The following TRPA1 variants were observed in gnomAD, a reference collection of about 807,000 sequenced individuals.
The protein encoded by TRPA1 is transient receptor potential cation channel subfamily A member 1, also known as ankyrin-like with transmembrane domains 1.
TRPA1 carries 129 observed loss-of-function variants against 131.3 expected under a neutral mutation model. The ratio of observed to expected loss-of-function variants is 0.98; its 90% CI spans 0.85 to 1.14. The LOEUF is 1.14. Ranked by LOEUF, TRPA1 falls within the 50% of genes most tolerant of loss-of-function variation. TRPA1 has a pLI of 0.00. For synonymous variants in TRPA1, 441 were observed against 451.7 expected (o/e 0.98, Z 0.30); for missense variants, 1,304 against 1,354.2 (o/e 0.96, Z 0.58).
In TRPA1 at chr8:72,059,433, G is replaced by T; in HGVS notation, c.950C>A (p.Ser317Ter). 1 of 1,579,464 alleles carries T rather than the reference G, an allele frequency of 6.3e-7. No individual in the cohort carries two copies. Among genetic ancestry groups the T allele is most frequent in the South Asian group, 1.2e-5 (1 of 86,018 alleles). ...GCHETMLHRA[S>*]LFDHHELADY... ...TGCTAGCTCATGGTGATCAAACAAT[G>T]AAGCTCTGAAAAAACAGAATTATAA... The change falls in exon 8 of 27, where the codon TCA becomes TAA. Residue 317 changes from serine (S) to a stop codon, truncating the protein, a stop_gained. Transcript: ENST00000262209. LOFTEE classifies it high-confidence loss of function.
At chr8:72,061,792 T>C (rs1805815203) in intron 6 of TRPA1, 31 bp from the exon 7 acceptor site, 2 of 1,612,062 alleles carry the variant, frequency 1.2e-6, no homozygotes, top group African/African-American at 1.3e-5. Flanking sequence ...AGAATCAATG[T>C]TTAAATCTCA....
At chr8:72,053,945 T>C (rs1805595390) in intron 12 of TRPA1, 78 bp from the exon 13 acceptor site, 1 of 965,058 alleles carries the variant, frequency 1.0e-6, no homozygotes, top group Non-Finnish European at 1.6e-6. Context: ...TGGCTTATTC[T>C]AGGTAAATCT....
chr8:72,074,066 G>T (rs1246894120), intron 1 of TRPA1, among the ~76,000 whole-genome samples: 1 of 152,146 alleles, frequency 6.6e-6, no homozygotes, highest in African/African-American at 2.4e-5. Flanking sequence ...CAAAATTAAA[G>T]CTGTACATAC....
Position 72,069,123 on chromosome 8 carries a change from T to C in TRPA1, c.344A>G (p.Lys115Arg), listed in dbSNP as rs141011241. The change falls in exon 3 of 27, where the codon AAG becomes AGG. Residue 115 changes from lysine (K) to arginine (R), a missense_variant. Lys to Arg is a conservative substitution (Grantham distance 26, BLOSUM62 2). Transcript: ENST00000262209. Reference protein sequence around the residue: ...AVEKNQIESVKFLLSRGANPN... With the variant: ...AVEKNQIESVRFLLSRGANPN... ...GTTTGCTCCTCTGCTGAGAAGAAAC[T>C]TAACGCTTTCAATTTGGTTTTTTTC... The C allele has an allele frequency of 2.6e-5, 42 of 1,614,092 alleles. No homozygotes were observed. In the African/African-American group the frequency reaches 5.5e-4, roughly 21 times the overall value.
intron 21 of TRPA1, among the ~76,000 whole-genome samples, 155 bp from the exon 22 acceptor site, chr8:72,034,532 G>T (rs1352062747): frequency 6.6e-6 from 1 of 152,152 alleles, no homozygotes; most frequent in Non-Finnish European, 1.5e-5. Context: ...AGAATTAATT[G>T]AATAATCATG....
At position 72,021,861 on chromosome 8, in the gene TRPA1, TAAG is replaced by T. The variant is rs1447508347; in HGVS notation, c.*1042_*1044del. On this transcript the variant is annotated 3_prime_UTR_variant, in exon 27 of 27. Transcript: ENST00000262209. ...AAATAAGTGAGAATTATAAGAGAAATAAGAAGCAAAAACAGAAATAGAAGCTAT... is the reference window on the plus strand; with the variant it reads ...AAATAAGTGAGAATTATAAGAGAAATAAGCAAAAACAGAAATAGAAGCTAT... The T allele has an allele frequency of 1.3e-5, 2 of 151,878 alleles. No individual in the cohort carries two copies. The highest frequency in any genetic ancestry group is 2.9e-5 in the Non-Finnish European group (2 of 67,960). 9.4% of individuals were successfully genotyped at this position (151,878 alleles called of 1,614,324 possible). A position where few individuals can be genotyped will look rare whatever the true frequency, so the allele number is the denominator to read the frequency against.
In TRPA1 at chr8:72,029,183, T is replaced by C. The variant is rs150119027; in HGVS notation, c.2937+718A>G. Among the ~76,000 whole-genome samples, 11 of 152,330 alleles carry C rather than the reference T, an allele frequency of 7.2e-5. No homozygotes were observed. The East Asian group carries it at 2.1e-3, about 29-fold the overall frequency. ...GATGTCACAAGAGAACAAAACCTCATGGATGCAGTTAAAACTTCAACATAA... is the reference window on the plus strand; with the variant it reads ...GATGTCACAAGAGAACAAAACCTCACGGATGCAGTTAAAACTTCAACATAA... On this transcript the variant is annotated intron_variant, in intron 24 of 26. Coordinates refer to ENST00000262209, the MANE Select transcript of TRPA1 (RefSeq NM_007332.3).
At chr8:72,024,055 A>G (rs1367639438) in intron 25 of TRPA1, 144 bp from the exon 26 acceptor site, 1 of 633,304 alleles carries the variant, frequency 1.6e-6, no homozygotes, top group Admixed American at 2.7e-5. Context: ...CTGCTAGGAG[A>G]AAGAGACATG....
the TRPA1 span, among the ~76,000 whole-genome samples, chr8:72,082,414 C>T: frequency 3.5e-4 from 53 of 152,128 alleles, no homozygotes; most frequent in East Asian, 1.5e-3. Flanking sequence ...AACACACACA[C>T]GGACTTTTAT....
intron 8 of TRPA1, among the ~76,000 whole-genome samples, chr8:72,058,564 C>A (rs961158658): frequency 3.3e-5 from 5 of 152,262 alleles, no homozygotes; most frequent in Admixed American, 6.5e-5. Flanking sequence ...GGGGCAGCAT[C>A]CCCTTGGCAA....
intron 4 of TRPA1, among the ~76,000 whole-genome samples, chr8:72,063,943 T>C (rs1563402345): frequency 6.6e-6 from 1 of 152,174 alleles, no homozygotes; most frequent in African/African-American, 2.4e-5. Context: ...TCTTTTCCCT[T>C]TATTTATGCA....
At chr8:72,072,748 T>C (rs1338038456) in intron 1 of TRPA1, among the ~76,000 whole-genome samples, 1 of 152,232 alleles carries the variant, frequency 6.6e-6, no homozygotes, top group Non-Finnish European at 1.5e-5. Context: ...AAAGGGATTA[T>C]GCTGCCCACT....
At chr8:72,087,827 C>T in the TRPA1 span, among the ~76,000 whole-genome samples, 6 of 152,054 alleles carry the variant, frequency 3.9e-5, no homozygotes, top group African/African-American at 1.2e-4. Flanking sequence ...TCTCTCTGCT[C>T]ATTTTTGTAT....
intron 21 of TRPA1, among the ~76,000 whole-genome samples, chr8:72,036,005 C>CAAAAAAAAAAA (rs58197251): frequency 1.6e-4 from 7 of 44,964 alleles, no homozygotes; most frequent in Admixed American, 5.6e-4. Flanking sequence ...TCCCCCTCCA[C>CAAAAAAAAAAA]AAAAAAAAAA....
chr8:72,069,002 G>A (rs1188335815), intron 3 of TRPA1, 21 bp downstream of exon 3: 3 of 1,614,018 alleles, frequency 1.9e-6, no homozygotes, highest in Non-Finnish European at 2.5e-6. Context: ...CAGGCCCTTT[G>A]GAGCCGGCCA....
chr8:72,059,101 G>A (rs1805744049), intron 8 of TRPA1, among the ~76,000 whole-genome samples: 2 of 152,166 alleles, frequency 1.3e-5, no homozygotes, highest in South Asian at 2.1e-4. Flanking sequence ...CCTCTTACAG[G>A]CCATGGGAAC....
rs756486828 is a variant in TRPA1 at position 72,026,057 on chromosome 8, C to G, written c.2954G>C (p.Ser985Thr). ...RIAMQVELHT[S>T]LEKKLPLWFL... ...CCAAAGTGGCAGCTTCTTCTCTAAG[C>G]TGGTATGAAGTTCCACCTAAAGTGC... is the stretch of plus-strand genomic sequence containing the variant. The change falls in exon 25 of 27, where the codon AGC becomes ACC. Residue 985 changes from serine (S) to threonine (T), a missense_variant. Physicochemically the swap from Ser to Thr is moderately conservative, Grantham distance 58. Coordinates refer to ENST00000262209, the MANE Select transcript of TRPA1 (RefSeq NM_007332.3). The G allele has an allele frequency of 6.2e-7, 1 of 1,613,880 alleles. No homozygotes were observed. Among genetic ancestry groups the G allele is most frequent in the South Asian group, 1.1e-5 (1 of 91,080 alleles).
rs560054007 is a variant in TRPA1 at position 72,055,817 on chromosome 8, G to A, written c.1233C>T (p.Asn411=). The change falls in exon 11 of 27, where the codon AAC becomes AAT. Residue 411 remains asparagine (N), a synonymous_variant. Coordinates refer to ENST00000262209, the MANE Select transcript of TRPA1 (RefSeq NM_007332.3). ...CATAATGTAGAGGAGTACACCCATC[G>A]TTGTCTTCATCCATTACCAGCTCTT... ...QIKELVMDED[N]DGCTPLHYAC... 621 of 1,613,330 alleles carry A rather than the reference G, an allele frequency of 3.8e-4. 1 individual carries two copies. The highest frequency in any genetic ancestry group is 4.9e-4 in the Non-Finnish European group (580 of 1,179,558).
At chr8:72,084,794 G>T in the TRPA1 span, among the ~76,000 whole-genome samples, 2 of 151,584 alleles carry the variant, frequency 1.3e-5, no homozygotes, top group African/African-American at 2.4e-5. Context: ...TGGGATTACA[G>T]GTGCCTGCCA....
Sources: gnomAD v4.1 joint callset for allele counts (sites outside exome capture counted in the v4.1 genomes callset) on GRCh38, gnomAD v4.1.1 for gene constraint, MANE v1.5 for transcripts, NCBI Gene and HGNC (gene_info 2026-07-23, HGNC 2026-07-21) for gene names.